CCDC3: variants seen among roughly 807,000 people sequenced by gnomAD.
CCDC3 encodes coiled-coil domain-containing protein 3.
A neutral mutation model predicts 21.4 loss-of-function variants in CCDC3; 24 were observed. The ratio of observed to expected loss-of-function variants is 1.12; its 90% confidence interval spans 0.81 to 1.58. The LOEUF (loss-of-function observed/expected upper bound fraction) is 1.58, where lower values mean the gene tolerates loss of function less well. Ranked by LOEUF, CCDC3 falls within the 40% of genes most tolerant of loss-of-function variation. The pLI is 0.00. For synonymous variants in CCDC3, 186 were observed against 166.0 expected, an observed-to-expected ratio of 1.12 and a Z score of -0.93; for missense variants, 425 against 360.9, an observed-to-expected ratio of 1.18 and a Z score of -1.44.
chr10:13,038,996 A>C (rs1836414956), intron 5 of CCDC3, among the ~76,000 whole-genome samples: 1 of 152,228 alleles, frequency 6.6e-6, no homozygotes, highest in South Asian at 2.1e-4. Flanking sequence ...CCTGGAGTAG[A>C]TAATGTAACT....
intron 3 of CCDC3, among the ~76,000 whole-genome samples, chr10:13,081,378 G>T (rs891100406): frequency 8.6e-5 from 13 of 151,980 alleles, no homozygotes; most frequent in African/African-American, 3.1e-4. Flanking sequence ...CTCATCAAAG[G>T]TCAGAAAGAA....
intron 2 of CCDC3, among the ~76,000 whole-genome samples, chr10:12,956,786 A>G (rs1276839554): frequency 1.3e-5 from 2 of 151,802 alleles, no homozygotes; most frequent in Non-Finnish European, 2.9e-5. Flanking sequence ...ACCACCACAA[A>G]CTCACACACA....
Position 13,072,376 on chromosome 10 carries a change from C to T in CCDC3, c.-270+1492G>A, listed in dbSNP as rs1023248144. Reference sequence around the variant, plus strand: ...ATCCTTATCCTTACCTTATTCTAACCGCCGTTGGATGTACTTCTTTAGAGG... The same window carrying T: ...ATCCTTATCCTTACCTTATTCTAACTGCCGTTGGATGTACTTCTTTAGAGG... On this transcript the variant is annotated intron_variant, in intron 4 of 6. Transcript: ENST00000378839. Among the ~76,000 whole-genome samples the T allele has an allele frequency of 1.5e-4, 13 of 84,758 alleles. No individual in the cohort carries two copies. In the East Asian group the frequency reaches 2.9e-3, roughly 19 times the overall value. 55.6% of individuals were successfully genotyped at this position (84,758 alleles called of 152,430 possible). A position where few individuals can be genotyped will look rare whatever the true frequency, so the allele number is the denominator to read the frequency against.
chr10:13,080,294 A>G (rs2131446666), intron 3 of CCDC3, among the ~76,000 whole-genome samples: 1 of 152,362 alleles, frequency 6.6e-6, no homozygotes, highest in South Asian at 2.1e-4. Context: ...AAGACACAGA[A>G]GGTAAGACTA....
chr10:12,979,388 C>G (rs1291396179), intron 2 of CCDC3, among the ~76,000 whole-genome samples: 1 of 151,734 alleles, frequency 6.6e-6, no homozygotes, highest in South Asian at 2.1e-4. Context: ...CTCCCCAAAC[C>G]CTCTGTCTTT....
At chr10:13,020,504 T>C (rs1473719054) in intron 5 of CCDC3, among the ~76,000 whole-genome samples, 1 of 152,244 alleles carries the variant, frequency 6.6e-6, no homozygotes, top group Non-Finnish European at 1.5e-5. Context: ...CATGCTCTAA[T>C]GAAATTATCA....
intron 2 of CCDC3, among the ~76,000 whole-genome samples, chr10:12,994,156 G>T (rs1382944536): frequency 6.6e-6 from 1 of 152,150 alleles, no homozygotes; most frequent in Non-Finnish European, 1.5e-5. Flanking sequence ...CCAGAACTTT[G>T]GGAGGCCAAG....
In CCDC3 at chr10:13,017,251, T is replaced by C. The variant is rs186827533; in HGVS notation, c.-1-18739A>G. Among the ~76,000 whole-genome samples, 73 of 151,998 alleles carry C rather than the reference T, an allele frequency of 4.8e-4. 1 individual carries two copies. The East Asian group carries it at 0.013, about 27-fold the overall frequency. ...CTGTTTTATGGCCAGGCACGGTGGC[T>C]CACGTCTGTAATCCCAGTACTTTGG... On this transcript the variant is annotated intron_variant, in intron 5 of 6. Transcript: ENST00000378839.
chr10:13,033,681 G>T (rs2131413070), intron 5 of CCDC3, among the ~76,000 whole-genome samples: 1 of 152,288 alleles, frequency 6.6e-6, no homozygotes, highest in Non-Finnish European at 1.5e-5. Flanking sequence ...AGTGGGCAAA[G>T]GATATGAACA....
At chr10:13,015,440 T>C (rs1316955705) in intron 5 of CCDC3, among the ~76,000 whole-genome samples, 1 of 152,026 alleles carries the variant, frequency 6.6e-6, no homozygotes, top group Non-Finnish European at 1.5e-5. Flanking sequence ...CTTCTGGCAT[T>C]GACGATGGGA....
In CCDC3 at chr10:12,898,432, G is replaced by C. The variant is rs116856516; in HGVS notation, c.797C>G (p.Pro266Arg). 136 of 1,603,304 alleles carry C rather than the reference G, an allele frequency of 8.5e-5. No individual in the cohort carries two copies. The highest frequency in any genetic ancestry group is 1.9e-4 in the African/African-American group (14 of 74,474). ...HINARGPVRPPYLRG is the reference protein window; with the variant it reads ...HINARGPVRPRYLRG ...CCAGGCCCGTTACCCCCGCAGGTAG[G>C]GGGGGCGCACGGGCCCCCGGGCATT... Residue 266 changes from proline (P) to arginine (R), a missense_variant, in exon 3 of 3, where the codon CCC becomes CGC. Coordinates refer to ENST00000378825, the MANE Select transcript of CCDC3 (RefSeq NM_031455.4).
intron 4 of CCDC3, among the ~76,000 whole-genome samples, chr10:13,070,429 G>A (rs1426692429): frequency 6.6e-6 from 1 of 152,214 alleles, no homozygotes; most frequent in Non-Finnish European, 1.5e-5. Flanking sequence ...GGCTTTGACT[G>A]GAAAGGTATG....
Position 12,911,537 on chromosome 10 carries a change from ATTTAC to A in CCDC3, c.550-12863_550-12859del, listed in dbSNP as rs1834270612. Among the ~76,000 whole-genome samples, 5 of 150,810 alleles carry A rather than the reference ATTTAC, an allele frequency of 3.3e-5. No individual in the cohort carries two copies. In the South Asian group the frequency reaches 6.3e-4, roughly 19 times the overall value. On this transcript the variant is annotated intron_variant, in intron 2 of 2. Transcript: ENST00000378825. ...TCTTAAACCTGGTTATAAACACTGT[ATTTAC>A]TTTAACATTTTAAAAATATTTAAAT...
intron 2 of CCDC3, among the ~76,000 whole-genome samples, chr10:12,944,406 T>TA (rs1351648107): frequency 2.6e-5 from 4 of 152,212 alleles, no homozygotes. Flanking sequence ...GCTTAACTCT[T>TA]TCAACCAACT....
rs142685128 is a variant in CCDC3, at chr10:12,928,697, G to C, written c.550-30018C>G. ...CCCACATTGCCTCCCTGTAGGAAGT[G>C]ATTTTGCACACAGAAGCCCCTGGTG... is the stretch of plus-strand genomic sequence containing the variant. On this transcript the variant is annotated intron_variant, in intron 2 of 2. Transcript: ENST00000378825. Among the ~76,000 whole-genome samples, 527 of 152,320 alleles carry C rather than the reference G, an allele frequency of 3.5e-3. 3 individuals carry two copies. The highest frequency in any genetic ancestry group is 0.012 in the African/African-American group (502 of 41,574).
At chr10:13,076,328 C>T (rs1836964275) in intron 3 of CCDC3, among the ~76,000 whole-genome samples, 1 of 152,172 alleles carries the variant, frequency 6.6e-6, no homozygotes, top group African/African-American at 2.4e-5. Context: ...TGGGTGAGGA[C>T]TAGGAAAAAT....
intron 5 of CCDC3, among the ~76,000 whole-genome samples, chr10:13,030,897 G>C (rs1269956224): frequency 1.3e-5 from 2 of 152,100 alleles, no homozygotes; most frequent in African/African-American, 2.4e-5. Context: ...ATAATAATGG[G>C]AGACTTTAAC....
At chr10:12,997,243 A>G (rs762346440) in intron 2 of CCDC3, among the ~76,000 whole-genome samples, 8 of 1,220 alleles carry the variant, frequency 6.6e-3, no homozygotes, top group Non-Finnish European at 0.028. Context: ...TCGTTAATGG[A>G]AAAAAAAAAA....
In CCDC3 at chr10:13,036,075, T is replaced by C. The variant is rs534482892; in HGVS notation, c.-2+13599A>G. ...AGGGGAATCGCTTGAACCCAGGAGG[T>C]GGAGAACGCAGTGAGCCGAGATTGA... On this transcript the variant is annotated intron_variant, in intron 5 of 6. Coordinates refer to the CCDC3 transcript ENST00000378839. Among the ~76,000 whole-genome samples, 334 of 151,586 alleles carry C rather than the reference T, an allele frequency of 2.2e-3. 2 individuals are homozygous for C. The highest frequency in any genetic ancestry group is 7.8e-3 in the African/African-American group (322 of 41,332).
Sources: gnomAD v4.1 joint callset for allele counts (sites outside exome capture counted in the v4.1 genomes callset) on GRCh38, gnomAD v4.1.1 for gene constraint, MANE v1.5 for transcripts, NCBI Gene and HGNC (gene_info 2026-07-23, HGNC 2026-07-21) for gene names.